Variants in SLC38A11 observed in about 807,000 individuals in gnomAD.
The protein encoded by SLC38A11 is putative sodium-coupled neutral amino acid transporter 11.
In SLC38A11, 51 loss-of-function variants were observed where a neutral mutation model predicts 49.4. That is an observed-to-expected ratio of 1.03 (90% CI 0.83 to 1.30). The LOEUF is 1.30. Ranked by LOEUF, SLC38A11 falls within the 50% of genes most tolerant of loss-of-function variation. SLC38A11 has a pLI of 0.00. For synonymous variants in SLC38A11, 203 were observed against 192.9 expected (o/e 1.05, Z -0.43); for missense variants, 574 against 556.2 (o/e 1.03, Z -0.32).
intron 7 of SLC38A11, among the ~76,000 whole-genome samples, chr2:164,936,429 A>G (rs895733414): frequency 4.6e-5 from 7 of 152,288 alleles, no homozygotes; most frequent in Non-Finnish European, 1.0e-4. Context: ...AGGGCTATTC[A>G]TTAGGTTTCC....
At chr2:164,911,306 C>T (rs1471916757) in intron 10 of SLC38A11, among the ~76,000 whole-genome samples, 1 of 151,970 alleles carries the variant, frequency 6.6e-6, no homozygotes, top group Admixed American at 6.6e-5. Flanking sequence ...GTAAGAATGC[C>T]TTAAAAGCAA....
At chr2:164,936,060 AT>A (rs1687351021) in intron 7 of SLC38A11, among the ~76,000 whole-genome samples, 1 of 152,188 alleles carries the variant, frequency 6.6e-6, no homozygotes, top group Non-Finnish European at 1.5e-5. Context: ...TCATTTAACA[AT>A]ACTCGGTTTA....
chr2:164,943,801 G>C (rs903455737), intron 5 of SLC38A11, among the ~76,000 whole-genome samples: 1 of 152,128 alleles, frequency 6.6e-6, no homozygotes. Context: ...TATTTTGATT[G>C]CAGCCATGCT....
chr2:164,928,951 CT>C (rs995601795), intron 7 of SLC38A11, among the ~76,000 whole-genome samples: 27 of 152,066 alleles, frequency 1.8e-4, no homozygotes, highest in Non-Finnish European at 3.5e-4. Context: ...TCATGGAGGA[CT>C]TTGGGTTCTA....
chr2:164,955,214 G>A lies in SLC38A11; in HGVS notation c.34C>T (p.Pro12Ser). Reference sequence around the variant, plus strand: ...TGCCTAGTCGCTAGTTTTACCTGCGGCGGGATGACAGGCTCCTGCCTCTGG... The same window carrying A: ...TGCCTAGTCGCTAGTTTTACCTGCGACGGGATGACAGGCTCCTGCCTCTGG... The part of the protein sequence containing the change: ...GYQRQEPVIP[P>S]QRDLDDRETL... Residue 12 changes from proline (P) to serine (S), a missense_variant, in exon 1 of 12, where the codon CCG becomes TCG. Transcript: ENST00000685975. 2 of 1,550,576 alleles carry A rather than the reference G, an allele frequency of 1.3e-6. No individual in the cohort carries two copies. Among genetic ancestry groups the A allele is most frequent in the South Asian group, 2.4e-5 (2 of 84,070 alleles).
rs1036225229 is a variant in SLC38A11 at position 164,925,509 on chromosome 2, C to T, written c.618-9536G>A. The stretch of plus-strand genomic sequence containing the variant: ...GTACAGTTTTCCACATCACCCTCTC[C>T]GAAATCCAGACTTGCATTTCCAAAA... On this transcript the variant is annotated intron_variant, in intron 7 of 11. Transcript: ENST00000685975. Among the ~76,000 whole-genome samples the T allele has an allele frequency of 5.3e-5, 8 of 152,242 alleles. 1 individual carries two copies. The East Asian group carries it at 7.7e-4, about 15-fold the overall frequency.
chr2:164,900,424 A>G (rs972764275), intron 11 of SLC38A11, among the ~76,000 whole-genome samples: 1 of 152,070 alleles, frequency 6.6e-6, no homozygotes, highest in Admixed American at 6.6e-5. Context: ...CCAGCAATGT[A>G]CTAGGGTTCC....
chr2:164,902,025 T>TTC (rs1199610791), intron 11 of SLC38A11, among the ~76,000 whole-genome samples: 54 of 148,506 alleles, frequency 3.6e-4, no homozygotes, highest in African/African-American at 1.2e-3. Flanking sequence ...GTTTTTTGTT[T>TTC]TCTCTCTCTT....
At chr2:164,906,556 C>A (rs1478059500) in intron 11 of SLC38A11, among the ~76,000 whole-genome samples, 1 of 152,090 alleles carries the variant, frequency 6.6e-6, no homozygotes, top group African/African-American at 2.4e-5. Flanking sequence ...ACAGCTTCAA[C>A]AATACATGAC....
intron 11 of SLC38A11, among the ~76,000 whole-genome samples, chr2:164,899,321 AG>A (rs1262815040): frequency 1.3e-5 from 2 of 152,152 alleles, no homozygotes; most frequent in Admixed American, 1.3e-4. Flanking sequence ...TTAATTACTG[AG>A]AAAGTTGACA....
rs773489146 is a variant in SLC38A11 at position 164,939,436 on chromosome 2, A to T, written c.537+14T>A. 2 of 1,563,142 alleles carry T rather than the reference A, an allele frequency of 1.3e-6. No individual in the cohort carries two copies. Among genetic ancestry groups the T allele is most frequent in the African/African-American group, 2.7e-5 (2 of 73,574 alleles). On this transcript the variant is annotated intron_variant, in intron 6 of 11. Coordinates refer to ENST00000685975, the MANE Select transcript of SLC38A11 (RefSeq NM_001351537.2). The stretch of plus-strand genomic sequence containing the variant: ...AAGGTACATTTCTATGCCCATTTAA[A>T]ATGTAAAAATTACCTTTCCAAGCTT...
At chr2:164,904,476 T>A (rs912428319) in intron 11 of SLC38A11, among the ~76,000 whole-genome samples, 3 of 152,184 alleles carry the variant, frequency 2.0e-5, no homozygotes, top group African/African-American at 7.2e-5. Flanking sequence ...ATTCATTTTA[T>A]TCTATATTAT....
intron 11 of SLC38A11, among the ~76,000 whole-genome samples, chr2:164,905,294 T>G (rs1024655029): frequency 6.6e-5 from 10 of 151,778 alleles, no homozygotes; most frequent in South Asian, 4.2e-4. Context: ...ATATTTTCTC[T>G]TTTTTTTGGT....
At chr2:164,923,933 A>G (rs1686390003) in intron 7 of SLC38A11, among the ~76,000 whole-genome samples, 1 of 152,200 alleles carries the variant, frequency 6.6e-6, no homozygotes, top group African/African-American at 2.4e-5. Flanking sequence ...TTAAAACAGA[A>G]CTACCATTCA....
chr2:164,943,032 A>G (rs1182810014), intron 5 of SLC38A11, among the ~76,000 whole-genome samples: 1 of 152,142 alleles, frequency 6.6e-6, no homozygotes, highest in Non-Finnish European at 1.5e-5. Context: ...TTCTAGCTCT[A>G]GGTTTTGTTT....
Position 164,945,583 on chromosome 2 carries a change from G to A in SLC38A11, c.364+10C>T, listed in dbSNP as rs780400369. The A allele has an allele frequency of 6.3e-7, 1 of 1,580,330 alleles. No individual in the cohort carries two copies. Among genetic ancestry groups the A allele is most frequent in the Non-Finnish European group, 8.5e-7 (1 of 1,170,836 alleles). ...CATAATTGCAATATTTATCTTCACAGTCAACTTACCTATAAAAGGATACAA... is the reference window on the plus strand; with the variant it reads ...CATAATTGCAATATTTATCTTCACAATCAACTTACCTATAAAAGGATACAA... On this transcript the variant is annotated intron_variant, in intron 4 of 11. Transcript: ENST00000685975.
intron 11 of SLC38A11, chr2:164,908,015 A>T (rs1685136079): frequency 6.6e-6 from 1 of 152,196 alleles, no homozygotes; most frequent in Non-Finnish European, 1.5e-5. Flanking sequence ...GTTGAAACAG[A>T]GCTGGGATTA....
rs191901691 is a variant in SLC38A11 at position 164,932,129 on chromosome 2, G to A, written c.617+5221C>T. Among the ~76,000 whole-genome samples the A allele has an allele frequency of 4.2e-3, 643 of 151,764 alleles. 3 individuals carry two copies. Among genetic ancestry groups the A allele is most frequent in the African/African-American group, 0.015 (612 of 41,482 alleles). The stretch of plus-strand genomic sequence containing the variant: ...AGGACATGAACACTCTTCAAAAGAC[G>A]TAATTGTGACCAACATTCATATGAA... On this transcript the variant is annotated intron_variant, in intron 7 of 11. Coordinates refer to ENST00000685975, the MANE Select transcript of SLC38A11 (RefSeq NM_001351537.2).
intron 9 of SLC38A11, among the ~76,000 whole-genome samples, chr2:164,914,526 G>A (rs142504211): frequency 7.0e-4 from 107 of 152,008 alleles, no homozygotes; most frequent in African/African-American, 2.1e-3. Flanking sequence ...AAAGGTCTGG[G>A]TTAGAATTAA....
Sources: allele counts gnomAD v4.1 joint callset (sites outside exome capture counted in the v4.1 genomes callset), GRCh38; gene constraint gnomAD v4.1.1; transcripts MANE v1.5; gene names NCBI Gene and HGNC (gene_info 2026-07-23, HGNC 2026-07-21).